Variants in CNNM3 observed in about 807,000 individuals in gnomAD.
CNNM3 encodes metal transporter CNNM3.
In CNNM3, 47 loss-of-function variants were observed where a neutral mutation model predicts 57.1. That is an observed-to-expected ratio of 0.82 (90% CI 0.65 to 1.05). CNNM3 has a LOEUF of 1.05. Among genes scored for constraint, CNNM3 ranks in the 50% least tolerant of loss-of-function variants. CNNM3 has a pLI of 0.00. For synonymous variants in CNNM3, 507 were observed against 478.2 expected (o/e 1.06, Z -0.79); for missense variants, 957 against 973.7 (o/e 0.98, Z 0.23).
In CNNM3 at chr2:96,817,217, G is replaced by A; in HGVS notation, c.940G>A (p.Val314Met). 6.3e-7 allele frequency: 1 copy of A among 1,599,676 alleles called. No homozygotes were observed. Among genetic ancestry groups the A allele is most frequent in the African/African-American group, 1.3e-5 (1 of 74,950 alleles). Residue 314 changes from valine (V) to methionine (M), a missense_variant, in exon 1 of 8, where the codon GTG (valine) becomes ATG (methionine). By Grantham distance (21) the Val-to-Met change is conservative. Around this residue, in one of 2 missense-constraint regions of CNNM3, gnomAD observed 491 missense variants for 570.6 expected, o/e 0.86. Coordinates refer to ENST00000305510, the MANE Select transcript of CNNM3 (RefSeq NM_017623.5). ...LSKGVLRCRT[V>M]EDVLTPLEDC... is the part of the protein sequence containing the mutation. ...CAAGGGCGTGCTGCGCTGCCGGACC[G>A]TGGAGGACGTGCTCACGCCCCTCGA...
In CNNM3 at chr2:96,832,955, C is replaced by T. The variant is rs1370927540; in HGVS notation, c.*339C>T. On this transcript the variant is annotated 3_prime_UTR_variant, in exon 8 of 8. Transcript: ENST00000305510. ...ACAGTGCGGCATATTCAGATTCAGA[C>T]CTCTTTGGGCTGAGCCACCTTGTGA... is the stretch of plus-strand genomic sequence containing the variant. The T allele has an allele frequency of 6.5e-6, 9 of 1,374,712 alleles. No individual in the cohort carries two copies. The highest frequency in any genetic ancestry group is 1.9e-4 in the Middle Eastern group (1 of 5,230). The allele number at this position is 1,374,712 out of a possible 1,614,324, so 85.2% of individuals were successfully genotyped here.
chr2:96,836,074 C>T, downstream of CNNM3, among the ~76,000 whole-genome samples: 1 of 136,718 alleles, frequency 7.3e-6, no homozygotes, highest in African/African-American at 3.4e-5. Context: ...TTTTTCACCC[C>T]TCCCCCTCCC....
At chr2:96,822,014 T>A (rs1303554315) in intron 1 of CNNM3, among the ~76,000 whole-genome samples, 54 of 150,104 alleles carry the variant, frequency 3.6e-4, no homozygotes, top group African/African-American at 1.3e-3. Context: ...TATTTTTTTT[T>A]TTTTTTTGAG....
intron 1 of CNNM3, among the ~76,000 whole-genome samples, chr2:96,817,838 T>C (rs1328988924): frequency 2.0e-5 from 3 of 152,022 alleles, no homozygotes; most frequent in Non-Finnish European, 4.4e-5. Flanking sequence ...TTCTGTGTGC[T>C]TGACTTTGTA....
At chr2:96,824,293 A>G (rs368855738) in intron 1 of CNNM3, among the ~76,000 whole-genome samples, 1 of 152,230 alleles carries the variant, frequency 6.6e-6, no homozygotes, top group African/African-American at 2.4e-5. Flanking sequence ...CATATAGGGT[A>G]AGGTGGAAAA....
rs2079627084 is a variant in CNNM3 at position 96,832,808 on chromosome 2, T to G, written c.*192T>G. ...CTGGATCCTTCAGCCGGCCCTGCCC[T>G]CCTTTAGGAGACAGGAGTCACCAGG... On this transcript the variant is annotated 3_prime_UTR_variant, in exon 8 of 8. Transcript: ENST00000305510. The G allele has an allele frequency of 6.6e-7, 1 of 1,503,988 alleles. No individual in the cohort carries two copies. The highest frequency in any genetic ancestry group is 2.1e-5 in the Admixed American group (1 of 48,590). The allele number at this position is 1,503,988 out of a possible 1,614,324, so 93.2% of individuals were successfully genotyped here.
intron 7 of CNNM3, 121 bp from the exon 8 acceptor site, chr2:96,832,431 A>G: frequency 6.5e-7 from 1 of 1,547,526 alleles, no homozygotes; most frequent in Non-Finnish European, 8.7e-7. Context: ...GATACTTCCC[A>G]AGGCATCCCG....
At chr2:96,836,109 A>T (rs1278813419), downstream of CNNM3, among the ~76,000 whole-genome samples, 8 of 124,192 alleles carry the variant, frequency 6.4e-5, no homozygotes, top group Admixed American at 6.2e-4. Flanking sequence ...CCTGAGACAG[A>T]GTCTCACTTT....
In CNNM3 at chr2:96,832,550, A is replaced by G. The variant is rs762590475; in HGVS notation, c.2060-2A>G. The stretch of plus-strand genomic sequence containing the variant: ...TAATTCTCCTTCCCTTGTCTCCTGT[A>G]GGGTCCAGCCACAGCAGGCCCGGCG... On this transcript the variant is annotated splice_acceptor_variant, in intron 7 of 7. Transcript: ENST00000305510. LOFTEE classifies it high-confidence loss of function. The G allele has an allele frequency of 1.9e-6, 3 of 1,614,172 alleles. No individual in the cohort carries two copies. The highest frequency in any genetic ancestry group is 1.3e-5 in the African/African-American group (1 of 75,054).
intron 5 of CNNM3, 122 bp downstream of exon 5, chr2:96,828,317 C>A: frequency 3.3e-6 from 3 of 912,538 alleles, no homozygotes; most frequent in Non-Finnish European, 5.1e-6. Context: ...CACCACCCCA[C>A]AAGGTGGTGT....
chr2:96,829,453 A>C (rs1221877810), intron 7 of CNNM3, among the ~76,000 whole-genome samples: 2 of 151,502 alleles, frequency 1.3e-5, no homozygotes, highest in African/African-American at 4.9e-5. Flanking sequence ...GGCGCCCACG[A>C]CCACGCCTGG....
At chr2:96,824,377 G>C (rs984348866) in intron 1 of CNNM3, 1 of 153,466 alleles carries the variant, frequency 6.5e-6, no homozygotes, top group African/African-American at 2.4e-5. Flanking sequence ...TCATCCCCTA[G>C]TTGACAGCCC....
chr2:96,830,287 T>C (rs1377071693), intron 7 of CNNM3, among the ~76,000 whole-genome samples: 2 of 150,522 alleles, frequency 1.3e-5, no homozygotes, highest in African/African-American at 4.9e-5. Context: ...TTATCAGCAC[T>C]TCCTCTGCCA....
chr2:96,825,627 G>C (rs1466934472), intron 2 of CNNM3, among the ~76,000 whole-genome samples: 1 of 152,250 alleles, frequency 6.6e-6, no homozygotes, highest in Non-Finnish European at 1.5e-5. Context: ...TCCTGGCTGG[G>C]CGCAGTGGCT....
Position 96,816,566 on chromosome 2 carries a change from T to A in CNNM3, c.289T>A (p.Trp97Arg). ...REEAASPAGEWRALLRLRLRA... is the reference protein window; with the variant it reads ...REEAASPAGERRALLRLRLRA... ...GGAGGCGGCCTCCCCCGCGGGCGAGTGGCGCGCGCTGCTGCGCTTGCGCCT... is the reference window on the plus strand; with the variant it reads ...GGAGGCGGCCTCCCCCGCGGGCGAGAGGCGCGCGCTGCTGCGCTTGCGCCT... The change falls in exon 1 of 8, where the codon TGG becomes AGG. Residue 97 changes from tryptophan to arginine, a missense_variant. Around this residue, in one of 2 missense-constraint regions of CNNM3, gnomAD observed 466 missense variants for 403.1 expected, o/e 1.16. Transcript: ENST00000305510. 7.7e-7 allele frequency: 1 copy of A among 1,304,530 alleles called. No individual in the cohort carries two copies. The highest frequency in any genetic ancestry group is 4.2e-5 in the Admixed American group (1 of 23,978). The allele number at this position is 1,304,530 out of a possible 1,614,324, so 80.8% of individuals were successfully genotyped here.
chr2:96,825,038 T>C lies in CNNM3; in HGVS notation c.1226-20T>C. 1 of 1,611,796 alleles carries C rather than the reference T, an allele frequency of 6.2e-7. No homozygotes were observed. Among genetic ancestry groups the C allele is most frequent in the Non-Finnish European group, 8.5e-7 (1 of 1,179,788 alleles). On this transcript the variant is annotated intron_variant, in intron 1 of 7. Transcript: ENST00000305510. ...GGGGGGGGCCCAGCAAGCTGTTCCATGAGTGTCCTCCCCCCACAGGGAAGT... is the reference window on the plus strand; with the variant it reads ...GGGGGGGGCCCAGCAAGCTGTTCCACGAGTGTCCTCCCCCCACAGGGAAGT...
At chr2:96,828,477 GTC>G (rs2079547383) in intron 5 of CNNM3, 88 bp from the exon 6 acceptor site, 1 of 1,506,688 alleles carries the variant, frequency 6.6e-7, no homozygotes, top group African/African-American at 1.4e-5. Context: ...GGTGGGGTGG[GTC>G]TTCGAAACTG....
At chr2:96,817,807 T>A (rs1278723763) in intron 1 of CNNM3, among the ~76,000 whole-genome samples, 2 of 150,734 alleles carry the variant, frequency 1.3e-5, no homozygotes, top group Admixed American at 1.3e-4. Context: ...ATCCCCCAGC[T>A]CTTTCCCTCT....
At chr2:96,830,356 TGC>T (rs533323652) in intron 7 of CNNM3, among the ~76,000 whole-genome samples, 267 of 152,286 alleles carry the variant, frequency 1.8e-3, no homozygotes, top group African/African-American at 6.2e-3. Context: ...GCCAGAGGGC[TGC>T]TAGCTGTTCT....
Sources: allele counts gnomAD v4.1 joint callset (sites outside exome capture counted in the v4.1 genomes callset), GRCh38; gene constraint gnomAD v4.1.1; regional missense constraint gnomAD v4.1.1; transcripts MANE v1.5; gene names NCBI Gene and HGNC (gene_info 2026-07-23, HGNC 2026-07-21).